The following ROBO1 variants were observed in gnomAD, a reference collection of about 807,000 sequenced individuals.
ROBO1 encodes the protein roundabout guidance receptor 1.
Under a neutral mutation model 195.9 loss-of-function variants are expected in ROBO1, and 149 were observed. That is an observed-to-expected ratio of 0.76 (90% CI 0.67 to 0.87). The LOEUF (loss-of-function observed/expected upper bound fraction) is 0.87. Ranked by LOEUF, ROBO1 falls within the 40% of genes least tolerant of loss-of-function variation. ROBO1 has a pLI of 0.00. For synonymous variants in ROBO1, 816 were observed against 733.2 expected, an observed-to-expected ratio of 1.11 and a Z score of -1.82; for missense variants, 1,933 against 2,068.3, an observed-to-expected ratio of 0.93 and a Z score of 1.27.
intron 3 of ROBO1, among the ~76,000 whole-genome samples, chr3:79,077,521 T>A (rs993974766): frequency 6.6e-6 from 1 of 151,954 alleles, no homozygotes; most frequent in Non-Finnish European, 1.5e-5. Context: ...ATCAGAGAAA[T>A]ATAATTTTAG....
chr3:79,591,600 GATATT>G (rs1317793500), intron 1 of ROBO1, among the ~76,000 whole-genome samples: 1 of 151,720 alleles, frequency 6.6e-6, no homozygotes, highest in East Asian at 1.9e-4. Context: ...ACTCATCACT[GATATT>G]ATATAACTAC....
In ROBO1 at chr3:79,271,152, C is replaced by T. The variant is rs114551136; in HGVS notation, c.89-145613G>A. Among the ~76,000 whole-genome samples, 921 of 152,068 alleles carry T rather than the reference C, an allele frequency of 6.1e-3. 3 individuals carry two copies. Among genetic ancestry groups the T allele is most frequent in the Middle Eastern group, 0.017 (5 of 294 alleles). The stretch of plus-strand genomic sequence containing the variant: ...TGTGCTTTCAAAGCAAATTACTCAA[C>T]TATTGTGTGTCATGCAATCTTTACT... On this transcript the variant is annotated intron_variant, in intron 2 of 30. Coordinates refer to ENST00000464233, the MANE Select transcript of ROBO1 (RefSeq NM_002941.4).
intron 1 of ROBO1, among the ~76,000 whole-genome samples, chr3:79,717,913 G>A (rs933686166): frequency 1.3e-5 from 2 of 152,064 alleles, no homozygotes; most frequent in East Asian, 3.9e-4. Context: ...ATGAAGCTAT[G>A]TTTCAATGCT....
intron 2 of ROBO1, among the ~76,000 whole-genome samples, chr3:79,222,730 A>T (rs892807913): frequency 6.6e-6 from 1 of 152,094 alleles, no homozygotes; most frequent in Non-Finnish European, 1.5e-5. Context: ...ATACAATATG[A>T]TTCCATCCCA....
intron 4 of ROBO1, among the ~76,000 whole-genome samples, chr3:78,864,530 T>C (rs1339215648): frequency 6.6e-6 from 1 of 152,178 alleles, no homozygotes; most frequent in Non-Finnish European, 1.5e-5. Flanking sequence ...TATTTGAACA[T>C]TGATTAATTT....
chr3:79,069,605 A>T (rs2079054871), intron 3 of ROBO1, among the ~76,000 whole-genome samples: 1 of 151,910 alleles, frequency 6.6e-6, no homozygotes, highest in Non-Finnish European at 1.5e-5. Flanking sequence ...TACCACTTAA[A>T]TTTCATCTAA....
chr3:78,713,710 C>T (rs1011300970), intron 8 of ROBO1, among the ~76,000 whole-genome samples: 11 of 152,118 alleles, frequency 7.2e-5, no homozygotes, highest in African/African-American at 2.4e-4. Context: ...TCCATTTCCT[C>T]CTATCAGCTT....
At chr3:79,135,389 C>G (rs560710860) in intron 2 of ROBO1, among the ~76,000 whole-genome samples, 82 of 152,108 alleles carry the variant, frequency 5.4e-4, no homozygotes, top group African/African-American at 1.9e-3. Context: ...GAAGTCCATT[C>G]TATAATACAG....
intron 4 of ROBO1, among the ~76,000 whole-genome samples, chr3:78,848,708 T>A (rs551710016): frequency 6.6e-6 from 1 of 152,266 alleles, no homozygotes; most frequent in Admixed American, 6.5e-5. Flanking sequence ...TTATCAGGTT[T>A]GTAATCCTTC....
intron 5 of ROBO1, among the ~76,000 whole-genome samples, chr3:78,743,107 C>G (rs1051156705): frequency 3.3e-5 from 5 of 152,032 alleles, no homozygotes; most frequent in African/African-American, 1.2e-4. Context: ...TAACTGAGAT[C>G]TTTCAAAACG....
intron 2 of ROBO1, among the ~76,000 whole-genome samples, chr3:79,145,629 A>T (rs2080632522): frequency 6.6e-6 from 1 of 152,002 alleles, no homozygotes; most frequent in East Asian, 1.9e-4. Context: ...AGGAAAAAAA[A>T]TGTTGCCCGA....
At chr3:79,129,977 G>T (rs1287187262) in intron 2 of ROBO1, among the ~76,000 whole-genome samples, 1 of 116,406 alleles carries the variant, frequency 8.6e-6, no homozygotes, top group African/African-American at 3.4e-5. Context: ...GTTTGTCAAA[G>T]ATCAGATAGT....
chr3:78,688,902 C>A, intron 8 of ROBO1, 130 bp from the exon 9 acceptor site: 1 of 822,268 alleles, frequency 1.2e-6, no homozygotes, highest in Non-Finnish European at 1.7e-6. Context: ...CATGATATAC[C>A]AATTCTTGTC....
intron 2 of ROBO1, among the ~76,000 whole-genome samples, chr3:79,193,396 T>C: frequency 6.6e-6 from 1 of 151,582 alleles, no homozygotes; most frequent in East Asian, 1.9e-4. Flanking sequence ...AAATAGTCAT[T>C]ATTATTCTCA....
At chr3:79,599,180 G>A (rs1486510587) in intron 1 of ROBO1, among the ~76,000 whole-genome samples, 1 of 152,002 alleles carries the variant, frequency 6.6e-6, no homozygotes, top group Admixed American at 6.6e-5. Context: ...AACCCTGCAT[G>A]TGAAGTATTC....
intron 5 of ROBO1, among the ~76,000 whole-genome samples, chr3:78,734,287 C>A (rs1339080657): frequency 1.3e-5 from 2 of 151,684 alleles, no homozygotes; most frequent in South Asian, 4.2e-4. Context: ...GTGGAACTAA[C>A]TTTTGGAAAA....
intron 3 of ROBO1, among the ~76,000 whole-genome samples, chr3:79,034,333 T>C (rs914638544): frequency 6.6e-6 from 1 of 152,118 alleles, no homozygotes; most frequent in Non-Finnish European, 1.5e-5. Context: ...TTCACAGAGA[T>C]GAAAAACGTC....
intron 2 of ROBO1, among the ~76,000 whole-genome samples, chr3:79,415,416 T>C (rs2037959772): frequency 6.6e-6 from 1 of 152,108 alleles, no homozygotes; most frequent in African/African-American, 2.4e-5. Flanking sequence ...GAGAAAGTGA[T>C]GCGTAAGCAG....
At chr3:79,356,128 G>A (rs1414110061) in intron 2 of ROBO1, among the ~76,000 whole-genome samples, 1 of 152,116 alleles carries the variant, frequency 6.6e-6, no homozygotes, top group Non-Finnish European at 1.5e-5. Context: ...ATCACTTGAA[G>A]CCAGAAGTTC....
Sources: allele counts gnomAD v4.1 joint callset (sites outside exome capture counted in the v4.1 genomes callset), GRCh38; gene constraint gnomAD v4.1.1; transcripts MANE v1.5; gene names NCBI Gene and HGNC (gene_info 2026-07-23, HGNC 2026-07-21).